Variants in VPS37C observed in about 807,000 individuals in gnomAD.
VPS37C encodes VPS37C subunit of ESCRT-I.
A neutral mutation model predicts 16.1 loss-of-function variants in VPS37C; 9 were observed. The ratio of observed to expected loss-of-function variants is 0.56; its 90% confidence interval spans 0.34 to 0.97. VPS37C has a LOEUF of 0.97. Among genes scored for constraint, VPS37C ranks in the 50% least tolerant of loss-of-function variants. VPS37C has a pLI of 0.02. For missense variants in VPS37C, 479 were observed against 472.7 expected, an observed-to-expected ratio of 1.01 and a Z score of -0.12; for synonymous variants, 207 against 206.4, an observed-to-expected ratio of 1.00 and a Z score of -0.02.
intron 1 of VPS37C, among the ~76,000 whole-genome samples, chr11:61,155,171 C>G (rs1381467574): frequency 6.7e-6 from 1 of 149,950 alleles, no homozygotes; most frequent in African/African-American, 2.5e-5. Context: ...AGATACATTA[C>G]AAACAGAAGA....
At chr11:61,141,963 A>G (rs1861478986) in intron 1 of VPS37C, among the ~76,000 whole-genome samples, 2 of 152,262 alleles carry the variant, frequency 1.3e-5, no homozygotes, top group Non-Finnish European at 2.9e-5. Context: ...TCAGTCTCAT[A>G]CACGGAGGTC....
Position 61,158,273 on chromosome 11 carries a change from A to G in VPS37C, c.-7+3118T>C, listed in dbSNP as rs536242776. Among the ~76,000 whole-genome samples the G allele has an allele frequency of 3.9e-5, 6 of 152,378 alleles. No homozygotes were observed. The East Asian group carries it at 1.2e-3, about 29-fold the overall frequency. On this transcript the variant is annotated intron_variant, in intron 1 of 4. Coordinates refer to ENST00000301765, the MANE Select transcript of VPS37C (RefSeq NM_017966.5). Reference sequence around the variant, plus strand: ...ACAAGGGGAAATGGACGAATCCACAATTACAATCAGAAGTGTCAATGTCCC... The same window carrying G: ...ACAAGGGGAAATGGACGAATCCACAGTTACAATCAGAAGTGTCAATGTCCC...
At chr11:61,136,868 G>C in intron 2 of VPS37C, among the ~76,000 whole-genome samples, 1 of 152,138 alleles carries the variant, frequency 6.6e-6, no homozygotes, top group East Asian at 1.9e-4. Flanking sequence ...AATTAGCCAG[G>C]TGTGGTGGTG....
intron 1 of VPS37C, among the ~76,000 whole-genome samples, chr11:61,156,608 C>T (rs1853380910): frequency 6.6e-6 from 1 of 151,880 alleles, no homozygotes; most frequent in African/African-American, 2.4e-5. Context: ...AACAAAAACA[C>T]CACCCATCTA....
At chr11:61,150,858 C>T (rs749355768) in intron 1 of VPS37C, among the ~76,000 whole-genome samples, 4 of 152,154 alleles carry the variant, frequency 2.6e-5, no homozygotes, top group Non-Finnish European at 4.4e-5. Flanking sequence ...AGTTGCCCTC[C>T]AGAGCCTCAC....
chr11:61,131,132 C>T lies in VPS37C; in HGVS notation c.*688G>A. 4.5e-6 allele frequency: 1 copy of T among 224,382 alleles called. No individual in the cohort carries two copies. Among genetic ancestry groups the T allele is most frequent in the South Asian group, 5.1e-5 (1 of 19,508 alleles). The allele number at this position is 224,382 out of a possible 1,614,324, so 13.9% of individuals were successfully genotyped here. On this transcript the variant is annotated 3_prime_UTR_variant, in exon 5 of 5. Coordinates refer to ENST00000301765, the MANE Select transcript of VPS37C (RefSeq NM_017966.5). The stretch of plus-strand genomic sequence containing the variant: ...AAGGCAGCCCCCTGGGTTCTCCAAC[C>T]ACTGCAAGCAAGGTCTGGGGACAAC...
Position 61,133,295 on chromosome 11 carries a change from A to C in VPS37C, c.308T>G (p.Leu103Arg). The C allele has an allele frequency of 6.2e-7, 1 of 1,614,188 alleles. No individual in the cohort carries two copies. Among genetic ancestry groups the C allele is most frequent in the Non-Finnish European group, 8.5e-7 (1 of 1,180,024 alleles). The change falls in exon 4 of 5, where the codon CTT becomes CGT. Residue 103 changes from leucine to arginine, a missense_variant. Coordinates refer to ENST00000301765, the MANE Select transcript of VPS37C (RefSeq NM_017966.5). ...GATCTTCATGCCTTCCACCTGCAGA[A>C]GGTCTAACAAGGTCCCTGGCTGCAG... ...SALQPGTLLDLLQVEGMKIEE... is the reference protein window; with the variant it reads ...SALQPGTLLDRLQVEGMKIEE...
chr11:61,139,346 C>A (rs913323956), intron 1 of VPS37C, among the ~76,000 whole-genome samples: 1 of 152,132 alleles, frequency 6.6e-6, no homozygotes, highest in African/African-American at 2.4e-5. Flanking sequence ...ATATTTAGTG[C>A]TCCAGAAACC....
chr11:61,142,934 C>T (rs1287752139), intron 1 of VPS37C, among the ~76,000 whole-genome samples: 2 of 106,986 alleles, frequency 1.9e-5, no homozygotes, highest in Non-Finnish European at 3.5e-5. Context: ...TGCACATGTA[C>T]CCTAAAACTT....
intron 1 of VPS37C, among the ~76,000 whole-genome samples, chr11:61,156,863 T>C (rs1319064669): frequency 6.6e-6 from 1 of 152,208 alleles, no homozygotes; most frequent in Admixed American, 6.5e-5. Context: ...TAAACTGAAA[T>C]TCTGCACCCA....
intron 1 of VPS37C, among the ~76,000 whole-genome samples, chr11:61,151,147 G>C (rs1452620348): frequency 2.6e-5 from 4 of 152,176 alleles, no homozygotes; most frequent in African/African-American, 9.7e-5. Context: ...CGGCTGCCTC[G>C]ATCAAGTCTA....
intron 2 of VPS37C, among the ~76,000 whole-genome samples, chr11:61,134,885 C>T (rs1009217173): frequency 2.6e-5 from 4 of 152,208 alleles, no homozygotes; most frequent in Admixed American, 2.0e-4. Flanking sequence ...CCAGGCTCTT[C>T]GTCGCTGCCA....
Position 61,138,762 on chromosome 11 carries a change from T to C in VPS37C, c.68A>G (p.Asp23Gly), listed in dbSNP as rs776745376. ...EELQNDSEAI[D>G]QLALESPEVQ... ...CTCAGGGGACTCCAGGGCCAGCTGG[T>C]CAATCGCCTCCGAGTCATTCTGCAA... is the stretch of plus-strand genomic sequence containing the variant. The change falls in exon 2 of 5, where the codon GAC becomes GGC. Residue 23 changes from aspartate (D) to glycine (G), a missense_variant. Physicochemically the swap from Asp to Gly is moderately conservative, Grantham distance 94 (BLOSUM62 -1). Coordinates refer to ENST00000301765, the MANE Select transcript of VPS37C (RefSeq NM_017966.5). The C allele has an allele frequency of 4.3e-6, 7 of 1,614,082 alleles. No individual in the cohort carries two copies. Among genetic ancestry groups the C allele is most frequent in the African/African-American group, 1.3e-5 (1 of 74,978 alleles).
At chr11:61,138,957 G>A in intron 1 of VPS37C, 122 bp from the exon 2 acceptor site, 1 of 844,012 alleles carries the variant, frequency 1.2e-6, no homozygotes, top group Non-Finnish European at 1.9e-6. Flanking sequence ...CACTCCACCG[G>A]GAGGCTCGAG....
chr11:61,152,492 C>T (rs1853312087), intron 1 of VPS37C, among the ~76,000 whole-genome samples: 2 of 152,008 alleles, frequency 1.3e-5, no homozygotes, highest in Admixed American at 6.6e-5. Flanking sequence ...CCGCCTTGGC[C>T]CTCTCCAGCC....
chr11:61,143,465 C>T (rs766742792), intron 1 of VPS37C: 1 of 140,866 alleles, frequency 7.1e-6, no homozygotes, highest in African/African-American at 2.7e-5. Context: ...GTAACCTCTA[C>T]CTCCCGGGTT....
Position 61,132,253 on chromosome 11 carries a change from C to G in VPS37C, c.635G>C (p.Ser212Thr). 6.6e-7 allele frequency: 1 copy of G among 1,523,118 alleles called. No individual in the cohort carries two copies. The highest frequency in any genetic ancestry group is 8.8e-7 in the Non-Finnish European group (1 of 1,134,682). 94.4% of individuals were successfully genotyped at this position (1,523,118 alleles called of 1,614,324 possible). The stretch of plus-strand genomic sequence containing the variant: ...ATGGGCAGTGGGGCCCACAGGCAGG[C>G]TGGGGGATGGGCTGTAGGGCAAAGG... ...PYPLPYSPSP[S>T]LPVGPTAHGA... The change falls in exon 5 of 5, where the codon AGC becomes ACC. Residue 212 changes from serine to threonine, a missense_variant. By Grantham distance (58) the Ser-to-Thr change is moderately conservative. Coordinates refer to ENST00000301765, the MANE Select transcript of VPS37C (RefSeq NM_017966.5).
intron 1 of VPS37C, among the ~76,000 whole-genome samples, chr11:61,146,140 G>A (rs1853204029): frequency 1.3e-5 from 2 of 152,320 alleles, no homozygotes; most frequent in African/African-American, 4.8e-5. Context: ...GAAGACGTGG[G>A]GACAGAGAAC....
At chr11:61,149,003 C>A (rs1195277787) in intron 1 of VPS37C, among the ~76,000 whole-genome samples, 2 of 152,256 alleles carry the variant, frequency 1.3e-5, no homozygotes, top group African/African-American at 4.8e-5. Context: ...GAAGAGGGGC[C>A]AGGCGCGGTG....
Sources: allele counts gnomAD v4.1 joint callset (sites outside exome capture counted in the v4.1 genomes callset), GRCh38; gene constraint gnomAD v4.1.1; transcripts MANE v1.5; gene names NCBI Gene and HGNC (gene_info 2026-07-23, HGNC 2026-07-21).